The following ZNF609 variants were observed in gnomAD, a reference collection of about 807,000 sequenced individuals.
ZNF609 encodes the protein zinc finger protein 609.
Under a neutral mutation model 109.5 loss-of-function variants are expected in ZNF609, and 11 were observed. The observed-to-expected ratio is 0.10, with a 90% confidence interval of 0.06 to 0.17. The LOEUF (loss-of-function observed/expected upper bound fraction) is 0.17, where lower values mean the gene tolerates loss of function less well. Among genes scored for constraint, ZNF609 ranks in the 10% least tolerant of loss-of-function variants. ZNF609 has a pLI of 1.00. For missense variants in ZNF609, 1,559 were observed against 1,772.4 expected, an observed-to-expected ratio of 0.88 and a Z score of 2.16; for synonymous variants, 646 against 662.0, an observed-to-expected ratio of 0.98 and a Z score of 0.37.
chr15:64,653,303 G>C (rs974649834), intron 3 of ZNF609, among the ~76,000 whole-genome samples: 1 of 152,148 alleles, frequency 6.6e-6, no homozygotes, highest in African/African-American at 2.4e-5. Flanking sequence ...TGGTGATAAT[G>C]TCTTCTGTTT....
At chr15:64,627,693 G>A (rs1422629325) in intron 3 of ZNF609, among the ~76,000 whole-genome samples, 8 of 104,210 alleles carry the variant, frequency 7.7e-5, no homozygotes, top group African/African-American at 2.3e-4. Flanking sequence ...TTTGAGACAG[G>A]GTCAAGCTGT....
intron 2 of ZNF609, among the ~76,000 whole-genome samples, chr15:64,617,103 C>T (rs1185284749): frequency 2.6e-5 from 4 of 151,898 alleles, no homozygotes; most frequent in African/African-American, 7.3e-5. Flanking sequence ...CCACTGCGTC[C>T]GGCCTTAAAC....
intron 1 of ZNF609, among the ~76,000 whole-genome samples, chr15:64,477,703 A>G (rs1249515679): frequency 6.7e-6 from 1 of 148,586 alleles, no homozygotes; most frequent in Non-Finnish European, 1.5e-5. Flanking sequence ...ATCTCAGCTC[A>G]CTGCAACATC....
chr15:64,489,564 C>G (rs1893382904), intron 1 of ZNF609, among the ~76,000 whole-genome samples: 2 of 142,596 alleles, frequency 1.4e-5, no homozygotes, highest in South Asian at 4.4e-4. Context: ...GAGTCTCGCT[C>G]TGTCACCCAG....
intron 2 of ZNF609, among the ~76,000 whole-genome samples, chr15:64,564,107 CT>C (rs1894734896): frequency 6.6e-6 from 1 of 151,694 alleles, no homozygotes; most frequent in South Asian, 2.1e-4. Flanking sequence ...CCATCCCACC[CT>C]GTCCCACCCA....
intron 1 of ZNF609, among the ~76,000 whole-genome samples, chr15:64,485,231 A>G (rs552919786): frequency 6.6e-6 from 1 of 152,314 alleles, no homozygotes; most frequent in South Asian, 2.1e-4. Context: ...TGCAAAGAAA[A>G]AAAAAATTCA....
At chr15:64,586,226 T>G (rs1895193255) in intron 2 of ZNF609, among the ~76,000 whole-genome samples, 1 of 150,642 alleles carries the variant, frequency 6.6e-6, no homozygotes, top group Admixed American at 6.7e-5. Context: ...CTCGGGAGGC[T>G]GAGGCAGGAG....
In ZNF609 at chr15:64,678,385, C is replaced by T. The variant is rs1343711589; in HGVS notation, c.3672C>T (p.Tyr1224=). The change falls in exon 6 of 10, where the codon TAC becomes TAT. Residue 1224 remains tyrosine (Y), a synonymous_variant. Coordinates refer to ENST00000326648, the MANE Select transcript of ZNF609 (RefSeq NM_015042.2). The part of the protein sequence containing the change: ...VSSPLTQHQS[Y]IPYMHGYSYS... ...CCCCACTTACCCAGCACCAGTCCTA[C>T]ATCCCCTACATGCACGGCTATTCCT... 3.7e-6 allele frequency: 6 copies of T among 1,613,930 alleles called. No individual in the cohort carries two copies. The highest frequency in any genetic ancestry group is 5.1e-6 in the Non-Finnish European group (6 of 1,179,964).
At chr15:64,518,055 T>C (rs1485761916) in intron 2 of ZNF609, among the ~76,000 whole-genome samples, 1 of 152,194 alleles carries the variant, frequency 6.6e-6, no homozygotes, top group Non-Finnish European at 1.5e-5. Context: ...GTGCTGGGAT[T>C]ACAAGCGTGA....
At chr15:64,571,226 T>A (rs1458034514) in intron 2 of ZNF609, among the ~76,000 whole-genome samples, 1 of 152,076 alleles carries the variant, frequency 6.6e-6, no homozygotes, top group Non-Finnish European at 1.5e-5. Flanking sequence ...TGGGTATAGA[T>A]CCCTCAGCAG....
chr15:64,533,684 G>A (rs1894095443), intron 2 of ZNF609, among the ~76,000 whole-genome samples: 1 of 151,818 alleles, frequency 6.6e-6, no homozygotes, highest in African/African-American at 2.4e-5. Flanking sequence ...CTATTTTCTT[G>A]TTTCCCATTT....
chr15:64,645,004 T>TTCCTTC (rs1567037973), intron 3 of ZNF609, among the ~76,000 whole-genome samples: 1 of 141,508 alleles, frequency 7.1e-6, no homozygotes, highest in African/African-American at 2.5e-5. Context: ...TTTCTTTCTT[T>TTCCTTC]CTTTCTTCCT....
At chr15:64,511,946 C>T (rs1459284958) in intron 2 of ZNF609, among the ~76,000 whole-genome samples, 2 of 151,836 alleles carry the variant, frequency 1.3e-5, no homozygotes, top group African/African-American at 4.8e-5. Context: ...ATCTCCTGAC[C>T]TCGTGATCCA....
At chr15:64,680,443 A>G in intron 7 of ZNF609, 83 bp downstream of exon 7, 2 of 1,538,938 alleles carry the variant, frequency 1.3e-6, no homozygotes, top group Non-Finnish European at 1.8e-6. Flanking sequence ...GGGCAAGTTC[A>G]GGTCCTGACC....
At chr15:64,586,348 A>T (rs1310178705) in intron 2 of ZNF609, among the ~76,000 whole-genome samples, 1 of 151,824 alleles carries the variant, frequency 6.6e-6, no homozygotes, top group Non-Finnish European at 1.5e-5. Context: ...AAAAAGAATA[A>T]CTTGAGCTGA....
intron 3 of ZNF609, among the ~76,000 whole-genome samples, chr15:64,627,783 T>C (rs2140978310): frequency 6.7e-6 from 1 of 148,402 alleles, no homozygotes; most frequent in South Asian, 2.2e-4. Context: ...TCCTCCTGCC[T>C]TGGCCTCCTG....
chr15:64,500,725 A>G (rs942108203), intron 2 of ZNF609: 2 of 371,344 alleles, frequency 5.4e-6, no homozygotes, highest in Non-Finnish European at 9.8e-6. Context: ...GGCAAGAGGT[A>G]CTCATTGTAC....
At chr15:64,607,507 T>TG (rs1407754136) in intron 2 of ZNF609, among the ~76,000 whole-genome samples, 3 of 150,732 alleles carry the variant, frequency 2.0e-5, no homozygotes, top group Non-Finnish European at 4.4e-5. Flanking sequence ...GCATACTTTT[T>TG]TTTTTTTTTT....
intron 2 of ZNF609, among the ~76,000 whole-genome samples, chr15:64,567,140 T>C (rs1429965740): frequency 6.6e-6 from 1 of 152,208 alleles, no homozygotes. Context: ...AGCAGGCTTT[T>C]ATTTTATATT....
Sources: allele counts gnomAD v4.1 joint callset (sites outside exome capture counted in the v4.1 genomes callset), GRCh38; gene constraint gnomAD v4.1.1; transcripts MANE v1.5; gene names NCBI Gene and HGNC (gene_info 2026-07-23, HGNC 2026-07-21).